The following PTPRO variants were observed in gnomAD, a reference collection of about 807,000 sequenced individuals.
PTPRO encodes the protein receptor-type tyrosine-protein phosphatase O.
Under a neutral mutation model 145.2 loss-of-function variants are expected in PTPRO, and 62 were observed. The ratio of observed to expected loss-of-function variants is 0.43; its 90% CI spans 0.35 to 0.53. The LOEUF (loss-of-function observed/expected upper bound fraction) is 0.53. Ranked by LOEUF, PTPRO falls within the 20% of genes least tolerant of loss-of-function variation. The pLI is 0.01. For synonymous variants in PTPRO, 565 were observed against 514.7 expected, an observed-to-expected ratio of 1.10 and a Z score of -1.32; for missense variants, 1,345 against 1,482.7, an observed-to-expected ratio of 0.91 and a Z score of 1.53.
intron 7 of PTPRO, among the ~76,000 whole-genome samples, chr12:15,512,438 A>G (rs562835750): frequency 5.3e-5 from 8 of 152,178 alleles, no homozygotes; most frequent in Admixed American, 3.3e-4. Context: ...ATAATATAAC[A>G]CATTATATGG....
chr12:15,569,526 T>A, intron 19 of PTPRO, 28 bp downstream of exon 19: 1 of 1,568,174 alleles, frequency 6.4e-7, no homozygotes, highest in Non-Finnish European at 8.8e-7. Flanking sequence ...TTTTCTACCT[T>A]CTGTAATGGA....
At chr12:15,342,342 C>T (rs1867023540) in intron 1 of PTPRO, among the ~76,000 whole-genome samples, 1 of 152,168 alleles carries the variant, frequency 6.6e-6, no homozygotes. Context: ...ACCCATACCA[C>T]CCAGCATTCT....
At chr12:15,585,154 C>G (rs1338752533) in intron 23 of PTPRO, among the ~76,000 whole-genome samples, 2 of 152,218 alleles carry the variant, frequency 1.3e-5, no homozygotes. Context: ...TACATTTTCA[C>G]TTCAACCGTA....
rs145644916 is a variant in PTPRO at position 15,368,506 on chromosome 12, G to A, written c.75+45705G>A. Among the ~76,000 whole-genome samples, 3 of 152,262 alleles carry A rather than the reference G, an allele frequency of 2.0e-5. No individual in the cohort carries two copies. In the East Asian group the frequency reaches 5.8e-4, roughly 29 times the overall value. On this transcript the variant is annotated intron_variant, in intron 1 of 26. Coordinates refer to ENST00000281171, the MANE Select transcript of PTPRO (RefSeq NM_030667.3). The stretch of plus-strand genomic sequence containing the variant: ...GTCTTCCTTTCTACAATGTAGGCAA[G>A]GGTTTTTTCCTGTTCCCAGAATGGC...
intron 15 of PTPRO, among the ~76,000 whole-genome samples, chr12:15,552,819 A>C (rs369237408): frequency 1.2e-4 from 1 of 8,654 alleles, no homozygotes; most frequent in South Asian, 3.2e-3. Flanking sequence ...TTTTTTTTTG[A>C]GACAGAGTCT....
intron 1 of PTPRO, among the ~76,000 whole-genome samples, chr12:15,348,071 G>C (rs773970623): frequency 6.6e-6 from 1 of 152,190 alleles, no homozygotes; most frequent in Non-Finnish European, 1.5e-5. Flanking sequence ...AACCCTAACC[G>C]TAACTGTGGA....
At chr12:15,455,542 T>C (rs1395962226) in intron 1 of PTPRO, among the ~76,000 whole-genome samples, 1 of 152,156 alleles carries the variant, frequency 6.6e-6, no homozygotes, top group African/African-American at 2.4e-5. Flanking sequence ...TGTTTTGTGG[T>C]TTTTAGTACA....
At chr12:15,436,534 G>A (rs564244269) in intron 1 of PTPRO, among the ~76,000 whole-genome samples, 36 of 152,300 alleles carry the variant, frequency 2.4e-4, no homozygotes, top group African/African-American at 6.3e-4. Flanking sequence ...TTCCACTGGA[G>A]ATCCAAGCAA....
chr12:15,592,002 C>A (rs1420039932), intron 25 of PTPRO, among the ~76,000 whole-genome samples: 1 of 152,178 alleles, frequency 6.6e-6, no homozygotes, highest in African/African-American at 2.4e-5. Context: ...GGGTTACTTA[C>A]TTTTTCCAAC....
chr12:15,484,353 C>T lies in PTPRO; in HGVS notation c.349+106C>T, dbSNP rs1160286601. On this transcript the variant is annotated intron_variant, in intron 2 of 26. Transcript: ENST00000281171. ...CACCCAGAATGGCAAAATCACTTGCCTTAATGCCAAGTGACGTAGATTCAA... is the reference window on the plus strand; with the variant it reads ...CACCCAGAATGGCAAAATCACTTGCTTTAATGCCAAGTGACGTAGATTCAA... 8 of 1,275,338 alleles carry T rather than the reference C, an allele frequency of 6.3e-6. No individual in the cohort carries two copies. The East Asian group carries it at 1.2e-4, about 19-fold the overall frequency. The allele number at this position is 1,275,338 out of a possible 1,614,324, so 79.0% of individuals were successfully genotyped here.
chr12:15,557,307 GGCGTGA>G, intron 15 of PTPRO, 142 bp from the exon 16 acceptor site: 1 of 733,188 alleles, frequency 1.4e-6, no homozygotes, highest in Admixed American at 2.1e-5. Flanking sequence ...TGGGATTACA[GGCGTGA>G]GCCACCGCAC....
At chr12:15,409,866 C>T (rs890647919) in intron 1 of PTPRO, among the ~76,000 whole-genome samples, 10 of 152,188 alleles carry the variant, frequency 6.6e-5, no homozygotes, top group African/African-American at 2.2e-4. Context: ...CCAATCACCT[C>T]GCACCAGGCG....
chr12:15,576,944 A>T (rs1174792420), intron 19 of PTPRO, among the ~76,000 whole-genome samples: 2 of 152,214 alleles, frequency 1.3e-5, no homozygotes, highest in African/African-American at 2.4e-5. Context: ...ATTTAAATAA[A>T]CTTATAACTA....
intron 1 of PTPRO, among the ~76,000 whole-genome samples, chr12:15,354,121 T>TA (rs34819829): frequency 2.6e-5 from 4 of 151,994 alleles, no homozygotes; most frequent in Admixed American, 6.6e-5. Context: ...AATTTTTTTT[T>TA]AAAAAAGGGC....
chr12:15,524,746 T>C (rs1265644011), intron 10 of PTPRO, 68 bp from the exon 11 acceptor site: 27 of 1,512,972 alleles, frequency 1.8e-5, no homozygotes, highest in Non-Finnish European at 2.4e-5. Flanking sequence ...TGGGATTTCA[T>C]GCTCTGCTGG....
intron 8 of PTPRO, among the ~76,000 whole-genome samples, chr12:15,516,271 G>A (rs373980005): frequency 9.5e-5 from 14 of 147,904 alleles, no homozygotes; most frequent in South Asian, 8.4e-4. Flanking sequence ...ACAGGCATGA[G>A]CCACCACACC....
intron 18 of PTPRO, 52 bp downstream of exon 18, chr12:15,565,680 A>G (rs1437810421): frequency 8.0e-7 from 1 of 1,256,246 alleles, no homozygotes; most frequent in Admixed American, 1.8e-5. Context: ...TAATAATCTT[A>G]ACGTTCCAAT....
At chr12:15,376,745 A>C (rs1174627684) in intron 1 of PTPRO, among the ~76,000 whole-genome samples, 1 of 152,186 alleles carries the variant, frequency 6.6e-6, no homozygotes, top group East Asian at 1.9e-4. Context: ...GAATGGGGTC[A>C]GAGAGTTGTC....
chr12:15,422,704 C>T (rs553150418), intron 1 of PTPRO, among the ~76,000 whole-genome samples: 1 of 152,224 alleles, frequency 6.6e-6, no homozygotes, highest in South Asian at 2.1e-4. Context: ...TTATTAGTGG[C>T]TAATTCCAAT....
Sources: gnomAD v4.1 joint callset for allele counts (sites outside exome capture counted in the v4.1 genomes callset) on GRCh38, gnomAD v4.1.1 for gene constraint, MANE v1.5 for transcripts, NCBI Gene and HGNC (gene_info 2026-07-23, HGNC 2026-07-21) for gene names.